The following RXRA variants were observed in gnomAD, a reference collection of about 807,000 sequenced individuals.
RXRA encodes the protein retinoic acid receptor RXR-alpha.
Under a neutral mutation model 44.5 loss-of-function variants are expected in RXRA, and 5 were observed. The ratio of observed to expected loss-of-function variants is 0.11; its 90% CI spans 0.06 to 0.24. The LOEUF (loss-of-function observed/expected upper bound fraction) is 0.24, where lower values mean the gene tolerates loss of function less well. RXRA is among the 10% of genes least tolerant of loss of function. The pLI is 1.00. For synonymous variants in RXRA, 291 were observed against 271.4 expected, an observed-to-expected ratio of 1.07 and a Z score of -0.71; for missense variants, 412 against 646.5, an observed-to-expected ratio of 0.64 and a Z score of 3.93.
intron 1 of RXRA, among the ~76,000 whole-genome samples, chr9:134,374,649 C>G (rs1325208166): frequency 6.6e-6 from 1 of 152,246 alleles, no homozygotes; most frequent in African/African-American, 2.4e-5. Context: ...AATGGCCAGG[C>G]CAGCGGCTGC....
intron 1 of RXRA, among the ~76,000 whole-genome samples, chr9:134,336,696 C>T (rs187716130): frequency 1.4e-3 from 209 of 152,306 alleles, no homozygotes; most frequent in African/African-American, 4.5e-3. Context: ...TTTGTGGCTG[C>T]GGAGCCCACA....
At chr9:134,379,098 C>T (rs1830601143) in intron 1 of RXRA, among the ~76,000 whole-genome samples, 1 of 152,184 alleles carries the variant, frequency 6.6e-6, no homozygotes, top group Admixed American at 6.5e-5. Flanking sequence ...GGATGCAGCC[C>T]AGCCTGTGGG....
intron 1 of RXRA, among the ~76,000 whole-genome samples, chr9:134,375,972 C>G (rs984051572): frequency 5.4e-5 from 8 of 148,758 alleles, no homozygotes; most frequent in African/African-American, 9.9e-5. Context: ...CTGCTTCCCC[C>G]CCACCCCACC....
chr9:134,369,166 TGTG>T (rs1238039295), intron 1 of RXRA, among the ~76,000 whole-genome samples: 14 of 56,340 alleles, frequency 2.5e-4, no homozygotes, highest in African/African-American at 9.6e-4. Flanking sequence ...GTGCGGGGCT[TGTG>T]TGTGTGTGCG....
intron 6 of RXRA, chr9:134,424,484 A>C: frequency 1.0e-6 from 1 of 985,378 alleles, no homozygotes; most frequent in Non-Finnish European, 1.2e-6. Context: ...CGAGGGCCGC[A>C]TGGTGAGGTC....
chr9:134,411,679 C>T (rs527479582), intron 4 of RXRA, among the ~76,000 whole-genome samples: 4 of 152,234 alleles, frequency 2.6e-5, no homozygotes, highest in African/African-American at 7.2e-5. Context: ...GATTCTGAGG[C>T]GTGAACTTGC....
chr9:134,374,449 G>GGCT (rs1564275014), intron 1 of RXRA, among the ~76,000 whole-genome samples: 1 of 152,210 alleles, frequency 6.6e-6, no homozygotes, highest in African/African-American at 2.4e-5. Flanking sequence ...TCCTGGTGTG[G>GGCT]GCTGCGCTGG....
chr9:134,360,273 T>C (rs967476998), intron 1 of RXRA, among the ~76,000 whole-genome samples: 9 of 152,160 alleles, frequency 5.9e-5, no homozygotes, highest in African/African-American at 2.2e-4. Context: ...CCTGAGCCGG[T>C]GACAGGCTGC....
intron 6 of RXRA, chr9:134,423,205 T>C (rs1028204383): frequency 1.0e-6 from 1 of 985,278 alleles, no homozygotes; most frequent in Non-Finnish European, 1.2e-6. Context: ...TTAGTGGAGT[T>C]TCCTGCTGGT....
At chr9:134,393,314 C>T (rs62573111) in intron 1 of RXRA, among the ~76,000 whole-genome samples, 1,777 of 152,332 alleles carry the variant, frequency 0.012, 33 homozygotes, top group African/African-American at 0.037. Flanking sequence ...GTTTGGCCTG[C>T]ACCTCCCAGC....
At chr9:134,432,351 C>T (rs1831546011) in intron 8 of RXRA, among the ~76,000 whole-genome samples, 1 of 152,232 alleles carries the variant, frequency 6.6e-6, no homozygotes, top group South Asian at 2.1e-4. Context: ...TGCTGAAGTT[C>T]AGGAGTCCCA....
rs971790689 is a variant in RXRA at position 134,342,646 on chromosome 9, G to A, written c.28+15987G>A. Among the ~76,000 whole-genome samples the A allele has an allele frequency of 4.6e-5, 7 of 152,152 alleles. No individual in the cohort carries two copies. The highest frequency in any genetic ancestry group is 7.2e-5 in the African/African-American group (3 of 41,428). The stretch of plus-strand genomic sequence containing the variant: ...GCAGGTGGTGGGGCTGCGGGGCTGC[G>A]GGAGGAGGCCCCTGTGGTTCCCACA... On this transcript the variant is annotated intron_variant, in intron 1 of 9. Coordinates refer to ENST00000481739, the MANE Select transcript of RXRA (RefSeq NM_002957.6). The surrounding 1 kb of genome is among the most constrained non-coding windows in gnomAD (Gnocchi z 4.4).
intron 1 of RXRA, among the ~76,000 whole-genome samples, chr9:134,358,282 C>T (rs1300673825): frequency 7.2e-5 from 11 of 152,182 alleles, no homozygotes; most frequent in South Asian, 2.1e-4. Context: ...CCTGTTAGGC[C>T]GCCACCATCC....
In RXRA at chr9:134,343,605, G is replaced by T. The variant is rs1472000190; in HGVS notation, c.28+16946G>T. On this transcript the variant is annotated intron_variant, in intron 1 of 9. Coordinates refer to ENST00000481739, the MANE Select transcript of RXRA (RefSeq NM_002957.6). The surrounding 1 kb of genome is among the most constrained non-coding windows in gnomAD (Gnocchi z 4.1). Reference sequence around the variant, plus strand: ...GCCAGGAAGCGAGACCAGTCACTGGGTGCAACCTTGACATAGGCTTGAGGG... The same window carrying T: ...GCCAGGAAGCGAGACCAGTCACTGGTTGCAACCTTGACATAGGCTTGAGGG... Among the ~76,000 whole-genome samples, 1 of 152,072 alleles carries T rather than the reference G, an allele frequency of 6.6e-6. No individual in the cohort carries two copies. Among genetic ancestry groups the T allele is most frequent in the Non-Finnish European group, 1.5e-5 (1 of 67,988 alleles).
intron 1 of RXRA, chr9:134,380,141 C>T (rs1830620370): frequency 4.1e-6 from 4 of 985,486 alleles, no homozygotes; most frequent in Admixed American, 6.1e-5. Flanking sequence ...CTGCCACCGT[C>T]CACCAGCGGC....
At position 134,357,354 on chromosome 9, in the gene RXRA, T is replaced by A. The variant is rs1188830158; in HGVS notation, c.28+30695T>A. ...CTGCAGGTTACTGGGAAAAGGGGAC[T>A]TTCAGGGCCAGGGGCAGGGGATTGC... On this transcript the variant is annotated intron_variant, in intron 1 of 9. Transcript: ENST00000481739. 2.0e-5 allele frequency among the ~76,000 whole-genome samples: 3 copies of A among 152,192 alleles called. 1 individual carries two copies. Among genetic ancestry groups the A allele is most frequent in the South Asian group, 4.1e-4 (2 of 4,832 alleles).
In RXRA at chr9:134,426,381, A is replaced by T; in HGVS notation, c.911-2727A>T. On this transcript the variant is annotated intron_variant, in intron 6 of 9. Transcript: ENST00000481739. The surrounding 1 kb of genome is among the most constrained non-coding windows in gnomAD (Gnocchi z 4.6). ...GGTTCCTCTCCTATTTTTCTCTTAC[A>T]TCCGAGAAGGAGGAGGGCAGCTTAC... The T allele has an allele frequency of 1.0e-6, 1 of 985,414 alleles. No homozygotes were observed. The highest frequency in any genetic ancestry group is 4.7e-5 in the South Asian group (1 of 21,290). The allele number at this position is 985,414 out of a possible 1,614,324, so 61.0% of individuals were successfully genotyped here.
At chr9:134,432,978 C>A (rs1831556461) in intron 8 of RXRA, among the ~76,000 whole-genome samples, 1 of 151,970 alleles carries the variant, frequency 6.6e-6, no homozygotes, top group African/African-American at 2.4e-5. Flanking sequence ...GTGATAGGGG[C>A]AGGTGGCTGG....
chr9:134,413,229 G>A (rs2119168840), intron 4 of RXRA, among the ~76,000 whole-genome samples: 1 of 152,238 alleles, frequency 6.6e-6, no homozygotes, highest in Non-Finnish European at 1.5e-5. Context: ...GTGGCTGGTG[G>A]TGGGGTTGGA....
Sources: gnomAD v4.1 joint callset for allele counts (sites outside exome capture counted in the v4.1 genomes callset) on GRCh38, gnomAD v4.1.1 for gene constraint, Gnocchi (gnomAD v3.1) non-coding constraint, MANE v1.5 for transcripts, NCBI Gene and HGNC (gene_info 2026-07-23, HGNC 2026-07-21) for gene names.